Variants in RPE observed in about 807,000 individuals in gnomAD.
RPE encodes ribulose-5-phosphate-3-epimerase.
RPE carries 16 observed loss-of-function variants against 24.6 expected under a neutral mutation model. That is an observed-to-expected ratio of 0.65 (90% CI 0.44 to 0.99). The LOEUF (loss-of-function observed/expected upper bound fraction) is 0.99, where lower values mean the gene tolerates loss of function less well. RPE is among the 50% of genes least tolerant of loss of function. The pLI is 0.00. For missense variants in RPE, 240 were observed against 294.5 expected (o/e 0.81, Z 1.35); for synonymous variants, 93 against 98.4 (o/e 0.94, Z 0.33).
rs1347009723 is a variant in RPE at position 210,018,650 on chromosome 2, T to A, written c.565-1019T>A. On this transcript the variant is annotated intron_variant, in intron 5 of 5. Transcript: ENST00000359429. The stretch of plus-strand genomic sequence containing the variant: ...AGTGAGCTCATATCCTTTTGATCGC[T>A]TGTGGAATTGCTTTGTACTAAACTG... 5.1e-6 allele frequency: 5 copies of A among 985,240 alleles called. No individual in the cohort carries two copies. In the Admixed American group the frequency reaches 3.1e-4, roughly 61 times the overall value. The allele number at this position is 985,240 out of a possible 1,614,324, so 61.0% of individuals were successfully genotyped here.
intron 5 of RPE, chr2:210,017,911 AT>A: frequency 5.7e-6 from 3 of 528,606 alleles, no homozygotes; most frequent in East Asian, 3.6e-5. Flanking sequence ...TGCTTGGCTA[AT>A]TTTTTTATTT....
chr2:210,006,969 G>A (rs890790243), intron 1 of RPE, among the ~76,000 whole-genome samples: 2 of 152,048 alleles, frequency 1.3e-5, no homozygotes, highest in African/African-American at 2.4e-5. Flanking sequence ...TCTCTTCTCC[G>A]CTAGACTTTT....
chr2:210,014,481 GT>G (rs374592130), intron 2 of RPE, among the ~76,000 whole-genome samples: 5 of 152,124 alleles, frequency 3.3e-5, no homozygotes, highest in African/African-American at 1.2e-4. Flanking sequence ...TAAGAATAAA[GT>G]TTTACCTATT....
intron 2 of RPE, among the ~76,000 whole-genome samples, chr2:210,011,831 A>ATTTTTTTTTTT (rs56083964): frequency 2.8e-5 from 3 of 106,722 alleles, no homozygotes; most frequent in African/African-American, 7.1e-5. Flanking sequence ...ACAACCGGCT[A>ATTTTTTTTTTT]TTTTTTTTTT....
chr2:210,015,671 T>A (rs1559481198), intron 2 of RPE, among the ~76,000 whole-genome samples: 1 of 152,228 alleles, frequency 6.6e-6, no homozygotes, highest in Non-Finnish European at 1.5e-5. Context: ...TTCTTTAAGT[T>A]TTTTAGAGTG....
Position 210,002,699 on chromosome 2 carries a change from A to G in RPE, c.38A>G (p.Asn13Ser). 6.2e-7 allele frequency: 1 copy of G among 1,614,186 alleles called. No individual in the cohort carries two copies. The highest frequency in any genetic ancestry group is 8.5e-7 in the Non-Finnish European group (1 of 1,180,012). Residue 13 changes from asparagine (N) to serine (S), a missense_variant, in exon 1 of 6, where the codon AAC (asparagine) becomes AGC (serine). By Grantham distance (46) the Asn-to-Ser change is conservative (BLOSUM62 1). Coordinates refer to ENST00000359429, the MANE Select transcript of RPE (RefSeq NM_199229.3). ...TGCAAGATTGGCCCGTCCATCCTCA[A>G]CAGCGACCTGGCCAATTTAGGGGCC... is the stretch of plus-strand genomic sequence containing the variant. ...SGCKIGPSIL[N>S]SDLANLGAEC...
chr2:210,018,031 C>T, intron 5 of RPE: 1 of 1,019,022 alleles, frequency 9.8e-7, no homozygotes, highest in Non-Finnish European at 1.4e-6. Context: ...AGATGTGAGC[C>T]ATGGCGTCTG....
rs1423108635 is a variant in RPE at position 210,016,488 on chromosome 2, A to G, written c.343-19A>G. ...GAAGTAATTGTAAATGTGATATAGCATATTTGTGTCTGTTACAGGTTGGCC... is the reference window on the plus strand; with the variant it reads ...GAAGTAATTGTAAATGTGATATAGCGTATTTGTGTCTGTTACAGGTTGGCC... On this transcript the variant is annotated intron_variant, in intron 3 of 5. Transcript: ENST00000359429. 1 of 1,614,208 alleles carries G rather than the reference A, an allele frequency of 6.2e-7. No homozygotes were observed. The highest frequency in any genetic ancestry group is 1.1e-5 in the South Asian group (1 of 91,070).
chr2:210,003,143 T>G (rs1201318257), intron 1 of RPE, among the ~76,000 whole-genome samples: 1 of 152,196 alleles, frequency 6.6e-6, no homozygotes, highest in Non-Finnish European at 1.5e-5. Flanking sequence ...ATATAGCTAG[T>G]TAGTGGCAAA....
chr2:210,002,826 C>T (rs754237574), intron 1 of RPE, 43 bp downstream of exon 1: 1 of 1,613,950 alleles, frequency 6.2e-7, no homozygotes, highest in East Asian at 2.2e-5. Context: ...CGCGGCGGGG[C>T]GGATCAGTGC....
rs114382345 is a variant in RPE, at chr2:210,012,527, A to C, written c.202+2791A>C. On this transcript the variant is annotated intron_variant, in intron 2 of 5. Transcript: ENST00000359429. ...AGTGCATATAAAGTGCTTGTGCTGCATTGCTGCATACTGGAACATAATGGT... is the reference window on the plus strand; with the variant it reads ...AGTGCATATAAAGTGCTTGTGCTGCCTTGCTGCATACTGGAACATAATGGT... 9.4e-3 allele frequency among the ~76,000 whole-genome samples: 1,428 copies of C among 152,336 alleles called. 22 individuals are homozygous for C. Among genetic ancestry groups the C allele is most frequent in the African/African-American group, 0.029 (1,225 of 41,572 alleles).
rs2093621779 is a variant in RPE, at chr2:210,005,691, A to G, written c.122+2908A>G. On this transcript the variant is annotated intron_variant, in intron 1 of 5. Transcript: ENST00000359429. The stretch of plus-strand genomic sequence containing the variant: ...TGGGCCCTCAGTCTTACCAGGTGAC[A>G]TGCGCTGGAGCTGACAGGGGCAGCC... Among the ~76,000 whole-genome samples the G allele has an allele frequency of 1.3e-5, 2 of 151,038 alleles. 1 individual carries two copies. Among genetic ancestry groups the G allele is most frequent in the South Asian group, 4.2e-4 (2 of 4,792 alleles).
rs750802630 is a variant in RPE at position 210,002,680 on chromosome 2, A to T, written c.19A>T (p.Ile7Phe). Residue 7 changes from isoleucine to phenylalanine, a missense_variant, in exon 1 of 6, where the codon ATT (isoleucine) becomes TTT (phenylalanine). By Grantham distance (21) the Ile-to-Phe change is conservative. Transcript: ENST00000359429. MASGCKIGPSILNSDLA... is the reference protein window; with the variant it reads MASGCKFGPSILNSDLA... ...CAGCGGTATGGCGTCGGGCTGCAAGATTGGCCCGTCCATCCTCAACAGCGA... is the reference window on the plus strand; with the variant it reads ...CAGCGGTATGGCGTCGGGCTGCAAGTTTGGCCCGTCCATCCTCAACAGCGA... The T allele has an allele frequency of 1.4e-5, 23 of 1,613,628 alleles. No individual in the cohort carries two copies. In the South Asian group the frequency reaches 2.4e-4, roughly 17 times the overall value.
chr2:210,017,756 T>TTTTTC, intron 5 of RPE, 197 bp downstream of exon 5: 1 of 596,022 alleles, frequency 1.7e-6, no homozygotes, highest in Non-Finnish European at 2.9e-6. Context: ...TTTTTTTTTT[T>TTTTTC]CTTTTTCTGA....
intron 1 of RPE, chr2:210,003,573 G>A (rs2093591945): frequency 1.7e-6 from 1 of 573,022 alleles, no homozygotes; most frequent in African/African-American, 2.0e-5. Flanking sequence ...CCCAGAGAAA[G>A]CAGTAAGACT....
intron 3 of RPE, 64 bp downstream of exon 3, chr2:210,016,176 CAG>C: frequency 6.2e-7 from 1 of 1,613,666 alleles, no homozygotes; most frequent in Admixed American, 1.7e-5. Context: ...TTGCGGGAAA[CAG>C]GAAATTTTCT....
In RPE at chr2:210,006,196, TTAAG is replaced by T. The variant is rs1231532779; in HGVS notation, c.122+3415_122+3418del. Among the ~76,000 whole-genome samples the T allele has an allele frequency of 2.6e-5, 4 of 152,218 alleles. No individual in the cohort carries two copies. The East Asian group carries it at 5.8e-4, about 22-fold the overall frequency. On this transcript the variant is annotated intron_variant, in intron 1 of 5. Coordinates refer to ENST00000359429, the MANE Select transcript of RPE (RefSeq NM_199229.3). ...AGTTTCTCTCTGTTAAGTGAAATAA[TTAAG>T]TGTTTTCCAAGCTGGTCTGTTAACT...
chr2:210,012,939 A>G (rs1366121457), intron 2 of RPE, among the ~76,000 whole-genome samples: 3 of 152,254 alleles, frequency 2.0e-5, no homozygotes, highest in Non-Finnish European at 4.4e-5. Flanking sequence ...TAAAAGACCC[A>G]TTCAAAATAC....
intron 1 of RPE, among the ~76,000 whole-genome samples, chr2:210,006,000 A>C (rs561982199): frequency 1.3e-5 from 2 of 152,308 alleles, no homozygotes; most frequent in East Asian, 3.9e-4. Flanking sequence ...CATGAGAGAG[A>C]AAATTGTATC....
Sources: gnomAD v4.1 joint callset for allele counts (sites outside exome capture counted in the v4.1 genomes callset) on GRCh38, gnomAD v4.1.1 for gene constraint, MANE v1.5 for transcripts, NCBI Gene and HGNC (gene_info 2026-07-23, HGNC 2026-07-21) for gene names.